Variants in ZNF773 observed in about 807,000 individuals in gnomAD.
ZNF773 encodes zinc finger protein 419B.
In ZNF773, 11 loss-of-function variants were observed where a neutral mutation model predicts 12.8. That is an observed-to-expected ratio of 0.86 (90% confidence interval 0.54 to 1.42). The LOEUF is 1.42. Among genes scored for constraint, ZNF773 ranks in the 40% most tolerant of loss-of-function variants. The pLI, the probability that ZNF773 is intolerant of heterozygous loss-of-function variation, is 0.00. For missense variants in ZNF773, 518 were observed against 527.2 expected (o/e 0.98, Z 0.17); for synonymous variants, 175 against 178.4 (o/e 0.98, Z 0.15).
At chr19:57,509,035 A>G (rs1156436504), downstream of ZNF773, among the ~76,000 whole-genome samples, 4 of 152,152 alleles carry the variant, frequency 2.6e-5, no homozygotes, top group African/African-American at 9.7e-5. Context: ...CCTGGCCTCA[A>G]GTGATCATCC....
At chr19:57,508,304 C>T (rs540061940), downstream of ZNF773, 13 of 1,203,114 alleles carry the variant, frequency 1.1e-5, no homozygotes, top group African/African-American at 1.5e-4. Context: ...TCTTGGAGCT[C>T]CAGAGAGAGG....
chr19:57,512,480 C>T (rs144477151), downstream of ZNF773, among the ~76,000 whole-genome samples: 1,356 of 149,906 alleles, frequency 9.0e-3, 24 homozygotes, highest in African/African-American at 0.03. Context: ...CTTGGCTCAC[C>T]GCAACCTCTG....
At position 57,507,415 on chromosome 19, in the gene ZNF773, A is replaced by T; in HGVS notation, c.1320A>T (p.Glu440Asp). 1 of 1,590,686 alleles carries T rather than the reference A, an allele frequency of 6.3e-7. No individual in the cohort carries two copies. The highest frequency in any genetic ancestry group is 1.1e-5 in the South Asian group (1 of 87,058). The change falls in exon 4 of 4, where the codon GAA becomes GAT. Residue 440 changes from glutamate (E) to aspartate (D), a missense_variant. By Grantham distance (45) the Glu-to-Asp change is conservative. Transcript: ENST00000282292. ...LVKHRRIHTG[E>D]IQ is the part of the protein sequence containing the mutation. ...AACATCGAAGGATTCACACTGGAGA[A>T]ATACAATGATTGTGAGAAATCCTTT...
chr19:57,513,159 C>CACTGA, downstream of ZNF773: 1 of 1,332,320 alleles, frequency 7.5e-7, no homozygotes, highest in Non-Finnish European at 9.8e-7. Context: ...AAGGTCAGTG[C>CACTGA]CCTAAAGAGG....
Position 57,506,637 on chromosome 19 carries a change from G to A in ZNF773, c.542G>A (p.Arg181Lys). Residue 181 changes from arginine to lysine, a missense_variant, in exon 4 of 4, where the codon AGG becomes AAG. By Grantham distance (26) the Arg-to-Lys change is conservative (BLOSUM62 2). Coordinates refer to ENST00000282292, the MANE Select transcript of ZNF773 (RefSeq NM_198542.3). ...AAGTCACATAGGAGCTCCAAAAGTA[G>A]GGAGGCCTTTCATGCTGGAAAAAGG... ...GEKSHRSSKS[R>K]EAFHAGKRHY... 1 of 1,614,196 alleles carries A rather than the reference G, an allele frequency of 6.2e-7. No homozygotes were observed. The highest frequency in any genetic ancestry group is 8.5e-7 in the Non-Finnish European group (1 of 1,180,038).
At chr19:57,511,061 T>A (rs201202692), downstream of ZNF773, among the ~76,000 whole-genome samples, 198 of 110,138 alleles carry the variant, frequency 1.8e-3, no homozygotes, top group East Asian at 0.013. Flanking sequence ...ATTTATTTTT[T>A]TTTTTTTTGA....
chr19:57,501,490 T>G (rs2089670042), intron 1 of ZNF773, among the ~76,000 whole-genome samples: 1 of 152,148 alleles, frequency 6.6e-6, no homozygotes, highest in Non-Finnish European at 1.5e-5. Flanking sequence ...CACATAAGAA[T>G]GAGTTTGATA....
At chr19:57,513,048 C>CT, downstream of ZNF773, 3 of 1,561,904 alleles carry the variant, frequency 1.9e-6, no homozygotes, top group Non-Finnish European at 2.6e-6. Context: ...ACAAGTGGCG[C>CT]CCGAACAGGG....
At chr19:57,503,006 T>A (rs2089687473) in intron 1 of ZNF773, among the ~76,000 whole-genome samples, 1 of 152,192 alleles carries the variant, frequency 6.6e-6, no homozygotes, top group African/African-American at 2.4e-5. Flanking sequence ...CTGTGTTTTT[T>A]AAGTAGATAT....
downstream of ZNF773, chr19:57,513,283 T>A (rs1441567296): frequency 1.7e-5 from 7 of 404,320 alleles, no homozygotes; most frequent in Non-Finnish European, 2.5e-5. Flanking sequence ...GGTGCTCAGG[T>A]TAGTTCTCAA....
chr19:57,511,917 C>T (rs2123282833), downstream of ZNF773, among the ~76,000 whole-genome samples: 1 of 152,234 alleles, frequency 6.6e-6, no homozygotes, highest in East Asian at 1.9e-4. Context: ...CAAAAGTTGA[C>T]ATACAGTATG....
intron 1 of ZNF773, among the ~76,000 whole-genome samples, chr19:57,501,816 A>G (rs1331388615): frequency 1.3e-5 from 2 of 152,202 alleles, no homozygotes; most frequent in Admixed American, 6.5e-5. Context: ...CTCAACTCCT[A>G]CCTACATGGT....
chr19:57,505,465 C>T (rs2089719322), intron 3 of ZNF773, 65 bp downstream of exon 3: 1 of 1,560,158 alleles, frequency 6.4e-7, no homozygotes, highest in South Asian at 1.1e-5. Context: ...TACCAGGAGT[C>T]TTTCCAGTGG....
At chr19:57,513,039 C>T (rs1188513611), downstream of ZNF773, 2 of 1,565,950 alleles carry the variant, frequency 1.3e-6, no homozygotes, top group African/African-American at 1.4e-5. Flanking sequence ...CCGACAGCCA[C>T]AAGTGGCGCC....
downstream of ZNF773, chr19:57,514,408 T>A (rs1352824994): frequency 6.6e-6 from 1 of 152,174 alleles, no homozygotes; most frequent in African/African-American, 2.4e-5. Context: ...TATCAGACCC[T>A]CCAAGGAGAT....
intron 1 of ZNF773, 43 bp from the exon 2 acceptor site, chr19:57,504,614 C>G (rs1471119977): frequency 1.2e-6 from 2 of 1,609,488 alleles, no homozygotes; most frequent in South Asian, 2.2e-5. Context: ...CCTAAATTCC[C>G]CAGTAAGGAG....
At chr19:57,510,574 C>T (rs1442935884), downstream of ZNF773, among the ~76,000 whole-genome samples, 1 of 151,986 alleles carries the variant, frequency 6.6e-6, no homozygotes, top group South Asian at 2.1e-4. Flanking sequence ...TTACATATAA[C>T]ATGATAATAT....
intron 3 of ZNF773, 71 bp downstream of exon 3, chr19:57,505,471 A>T: frequency 6.5e-7 from 1 of 1,535,680 alleles, no homozygotes; most frequent in Non-Finnish European, 9.0e-7. Context: ...GAGTCTTTCC[A>T]GTGGGCCCAG....
At chr19:57,510,536 T>C (rs143683863), downstream of ZNF773, among the ~76,000 whole-genome samples, 1,373 of 152,206 alleles carry the variant, frequency 9.0e-3, 27 homozygotes, top group African/African-American at 0.03. Flanking sequence ...AGTCTTAAGA[T>C]TGTAAAGGCA....
Sources: gnomAD v4.1 joint callset for allele counts (sites outside exome capture counted in the v4.1 genomes callset) on GRCh38, gnomAD v4.1.1 for gene constraint, MANE v1.5 for transcripts, NCBI Gene and HGNC (gene_info 2026-07-23, HGNC 2026-07-21) for gene names.